MAGI2: variants seen among roughly 807,000 people sequenced by gnomAD.
The protein encoded by MAGI2 is membrane associated guanylate kinase, WW and PDZ domain containing 2, also known as membrane-associated guanylate kinase, WW and PDZ domain-containing protein 2.
MAGI2 carries 35 observed loss-of-function variants against 133.3 expected under a neutral mutation model. The ratio of observed to expected loss-of-function variants is 0.26; its 90% CI spans 0.20 to 0.35. The LOEUF (loss-of-function observed/expected upper bound fraction) is 0.35, where lower values mean the gene tolerates loss of function less well. Among genes scored for constraint, MAGI2 ranks in the 10% least tolerant of loss-of-function variants. MAGI2 has a pLI of 1.00. For missense variants in MAGI2, 1,636 were observed against 1,863.4 expected, an observed-to-expected ratio of 0.88 and a Z score of 2.25; for synonymous variants, 729 against 710.6, an observed-to-expected ratio of 1.03 and a Z score of -0.41.
At chr7:79,214,891 T>G (rs1482499172) in intron 1 of MAGI2, among the ~76,000 whole-genome samples, 2 of 145,288 alleles carry the variant, frequency 1.4e-5, no homozygotes, top group African/African-American at 5.0e-5. Context: ...ATTATAAAAT[T>G]TATAAATTTA....
rs143567841 is a variant in MAGI2 at position 78,354,288 on chromosome 7, T to G, written c.1104-8245A>C. The stretch of plus-strand genomic sequence containing the variant: ...TCTTAATAAATTACTTATGAGTTGC[T>G]AAAATGTGCAGTCACAATATAACTT... On this transcript the variant is annotated intron_variant, in intron 7 of 21. Coordinates refer to ENST00000354212, the MANE Select transcript of MAGI2 (RefSeq NM_012301.4). Among the ~76,000 whole-genome samples, 492 of 152,338 alleles carry G rather than the reference T, an allele frequency of 3.2e-3. 3 individuals carry two copies. Among genetic ancestry groups the G allele is most frequent in the African/African-American group, 0.011 (461 of 41,576 alleles).
intron 1 of MAGI2, among the ~76,000 whole-genome samples, chr7:79,211,419 A>G (rs773894787): frequency 1.3e-5 from 2 of 151,568 alleles, no homozygotes; most frequent in Non-Finnish European, 2.9e-5. Context: ...CTGAGACTAC[A>G]GTGCACCACT....
At chr7:78,523,782 C>T (rs1796713521) in intron 3 of MAGI2, among the ~76,000 whole-genome samples, 1 of 152,092 alleles carries the variant, frequency 6.6e-6, no homozygotes, top group African/African-American at 2.4e-5. Context: ...CACCTGGTCT[C>T]TCCCTTGACA....
intron 2 of MAGI2, among the ~76,000 whole-genome samples, chr7:78,877,396 T>C (rs372016873): frequency 8.5e-5 from 13 of 152,372 alleles, no homozygotes; most frequent in African/African-American, 3.1e-4. Context: ...CTTACATGTA[T>C]AAACCACTGT....
chr7:78,935,784 G>C (rs1053606024), intron 2 of MAGI2, among the ~76,000 whole-genome samples: 2 of 152,022 alleles, frequency 1.3e-5, no homozygotes, highest in Non-Finnish European at 2.9e-5. Flanking sequence ...TCTGTAAACT[G>C]TAAAGTTATA....
intron 16 of MAGI2, among the ~76,000 whole-genome samples, chr7:78,137,177 GC>G (rs367731096): frequency 2.4e-4 from 36 of 152,166 alleles, no homozygotes; most frequent in African/African-American, 8.7e-4. Context: ...TCCTGTTTTT[GC>G]CCCCTTTCAT....
At chr7:78,856,447 T>G (rs1312894717) in intron 2 of MAGI2, among the ~76,000 whole-genome samples, 1 of 152,246 alleles carries the variant, frequency 6.6e-6, no homozygotes, top group Non-Finnish European at 1.5e-5. Flanking sequence ...AAGGAAAGGA[T>G]GCAGTTTCAG....
chr7:78,670,685 G>C (rs1444022303), intron 2 of MAGI2, among the ~76,000 whole-genome samples: 1 of 152,044 alleles, frequency 6.6e-6, no homozygotes, highest in African/African-American at 2.4e-5. Flanking sequence ...TACAAGGCTA[G>C]AGTAACCAAA....
chr7:78,148,606 T>G (rs574106975), intron 16 of MAGI2, among the ~76,000 whole-genome samples: 40 of 152,006 alleles, frequency 2.6e-4, no homozygotes, highest in Admixed American at 2.6e-4. Flanking sequence ...CAGGGGAAAG[T>G]GTAAGGGTTG....
chr7:78,205,586 C>T (rs1156878445), intron 10 of MAGI2, among the ~76,000 whole-genome samples: 1 of 152,038 alleles, frequency 6.6e-6, no homozygotes, highest in African/African-American at 2.4e-5. Context: ...GGACATACTG[C>T]TATTAAAAAT....
chr7:78,656,991 A>G (rs80328005), intron 2 of MAGI2, among the ~76,000 whole-genome samples: 4 of 109,662 alleles, frequency 3.6e-5, no homozygotes, highest in Admixed American at 1.0e-4. Flanking sequence ...ACCCAGTATA[A>G]AAAAAAAAAA....
At chr7:78,280,102 C>T (rs940002312) in intron 9 of MAGI2, among the ~76,000 whole-genome samples, 5 of 152,098 alleles carry the variant, frequency 3.3e-5, no homozygotes, top group Admixed American at 2.0e-4. Context: ...AATAGAATGG[C>T]CTTTGAGATA....
intron 1 of MAGI2, among the ~76,000 whole-genome samples, chr7:79,174,247 T>C (rs1213751810): frequency 2.0e-5 from 3 of 152,032 alleles, no homozygotes; most frequent in Non-Finnish European, 4.4e-5. Flanking sequence ...AAAAGAATCA[T>C]CTATTTATAT....
intron 1 of MAGI2, among the ~76,000 whole-genome samples, chr7:79,168,889 GATATAT>G (rs1182056135): frequency 5.9e-3 from 86 of 14,592 alleles, no homozygotes; most frequent in South Asian, 0.016. Context: ...TCTAAAGATA[GATATAT>G]ATATATATAT....
At chr7:79,019,598 G>A (rs1381358962) in intron 1 of MAGI2, among the ~76,000 whole-genome samples, 3 of 151,744 alleles carry the variant, frequency 2.0e-5, no homozygotes, top group Non-Finnish European at 4.4e-5. Flanking sequence ...CCAGGCTGGA[G>A]TGCAGTGGTG....
chr7:78,567,750 C>T (rs1438295236), intron 3 of MAGI2, among the ~76,000 whole-genome samples: 1 of 152,108 alleles, frequency 6.6e-6, no homozygotes, highest in Non-Finnish European at 1.5e-5. Flanking sequence ...TATCTCCAAT[C>T]ATTAAAACAA....
At chr7:78,429,580 A>G (rs545043710) in intron 6 of MAGI2, among the ~76,000 whole-genome samples, 56 of 152,260 alleles carry the variant, frequency 3.7e-4, no homozygotes, top group African/African-American at 1.2e-3. Context: ...TAGAATAAAT[A>G]TGTACCTTTT....
chr7:79,221,355 C>T (rs1174395345), intron 1 of MAGI2, among the ~76,000 whole-genome samples: 1 of 152,022 alleles, frequency 6.6e-6, no homozygotes, highest in Admixed American at 6.6e-5. Context: ...TCTGCCCAGC[C>T]CTGTGCTATG....
chr7:78,413,752 A>G lies in MAGI2; in HGVS notation c.1046-44539T>C, dbSNP rs138417935. On this transcript the variant is annotated intron_variant, in intron 6 of 21. Coordinates refer to ENST00000354212, the MANE Select transcript of MAGI2 (RefSeq NM_012301.4). Reference sequence around the variant, plus strand: ...AGGCTCTTGGGCAATGGTATTGGACATGGGGTCAATCCTGTCACATGCTAC... The same window carrying G: ...AGGCTCTTGGGCAATGGTATTGGACGTGGGGTCAATCCTGTCACATGCTAC... Among the ~76,000 whole-genome samples, 800 of 152,170 alleles carry G rather than the reference A, an allele frequency of 5.3e-3. 10 individuals are homozygous for G. Among genetic ancestry groups the G allele is most frequent in the African/African-American group, 0.012 (485 of 41,558 alleles).
Sources: allele counts gnomAD v4.1 joint callset (sites outside exome capture counted in the v4.1 genomes callset), GRCh38; gene constraint gnomAD v4.1.1; transcripts MANE v1.5; gene names NCBI Gene and HGNC (gene_info 2026-07-23, HGNC 2026-07-21).